ARHGAP6: variants seen among roughly 807,000 people sequenced by gnomAD.
ARHGAP6 encodes rho GTPase-activating protein 6.
In ARHGAP6, 16 loss-of-function variants were observed where a neutral mutation model predicts 55.7. The ratio of observed to expected loss-of-function variants is 0.29; its 90% confidence interval spans 0.19 to 0.44. The LOEUF is 0.44. ARHGAP6 is among the 20% of genes least tolerant of loss of function. The probability of loss-of-function intolerance (pLI) is 1.00; values close to 1 mark genes in which losing one functional copy is unlikely to be tolerated. For synonymous variants in ARHGAP6, 382 were observed against 360.9 expected, an observed-to-expected ratio of 1.06 and a Z score of -0.66; for missense variants, 698 against 808.9, an observed-to-expected ratio of 0.86 and a Z score of 1.66.
At chrX:11,362,550 A>C (rs1488450674) in intron 1 of ARHGAP6, among the ~76,000 whole-genome samples, 1 of 109,676 alleles carries the variant, frequency 9.1e-6, no homozygotes, top group Non-Finnish European at 1.9e-5. Context: ...GATATACCTA[A>C]TGCTAAATGA....
chrX:11,271,785 C>T (rs944471759), intron 1 of ARHGAP6, among the ~76,000 whole-genome samples: 35 of 111,739 alleles, frequency 3.1e-4, no homozygotes, highest in Admixed American at 1.9e-4. Flanking sequence ...GTTAACTCAT[C>T]TAAATCTTGT....
chrX:11,252,857 G>A (rs1445715661), intron 2 of ARHGAP6, among the ~76,000 whole-genome samples: 1 of 112,049 alleles, frequency 8.9e-6, no homozygotes, highest in South Asian at 3.8e-4. Flanking sequence ...ACTCTGGTCA[G>A]TGTTTTTGTG....
At chrX:11,499,037 C>G (rs1183704181) in intron 1 of ARHGAP6, among the ~76,000 whole-genome samples, 4 of 112,313 alleles carry the variant, frequency 3.6e-5, no homozygotes, top group Middle Eastern at 4.6e-3. Flanking sequence ...TACCTATCAA[C>G]TAAGTTATAT....
chrX:11,338,220 T>C (rs1185758067), intron 1 of ARHGAP6, among the ~76,000 whole-genome samples: 2 of 111,860 alleles, frequency 1.8e-5, no homozygotes, highest in East Asian at 5.6e-4. Context: ...ACAGAAAATA[T>C]GGATTCAAAT....
At chrX:11,514,403 T>A (rs1464541735) in intron 1 of ARHGAP6, among the ~76,000 whole-genome samples, 3 of 110,230 alleles carry the variant, frequency 2.7e-5, no homozygotes. Flanking sequence ...TTGGCCTGGA[T>A]AATTCATTGT....
chrX:11,168,054 T>TTAAG (rs1232109276), intron 9 of ARHGAP6, among the ~76,000 whole-genome samples: 2 of 111,837 alleles, frequency 1.8e-5, no homozygotes, highest in Non-Finnish European at 3.8e-5. Flanking sequence ...TCGCTTGAAG[T>TTAAG]TAAGTGTGGC....
intron 1 of ARHGAP6, among the ~76,000 whole-genome samples, chrX:11,436,764 G>A (rs1450395371): frequency 1.8e-5 from 2 of 110,576 alleles, no homozygotes; most frequent in African/African-American, 6.6e-5. Flanking sequence ...TAAGCTAATT[G>A]AAAGAAGTCA....
rs1290044387 is a variant in ARHGAP6 at position 11,169,703 on chromosome X, C to A, written c.1630-19G>T. The A allele has an allele frequency of 5.4e-6, 6 of 1,120,390 alleles. No homozygotes were observed. Among genetic ancestry groups the A allele is most frequent in the Non-Finnish European group, 7.1e-6 (6 of 840,009 alleles). 92.3% of individuals were successfully genotyped at this position (1,120,390 alleles called of 1,213,427 possible). ...CAGTGACCTATAAGAGAACAGAACA[C>A]AAGGACTGTTGTTATGTTTGCCTTT... On this transcript the variant is annotated intron_variant, in intron 8 of 12. Transcript: ENST00000337414.
At chrX:11,641,353 C>CA (rs1418282515) in intron 1 of ARHGAP6, among the ~76,000 whole-genome samples, 1 of 111,430 alleles carries the variant, frequency 9.0e-6, no homozygotes, top group Non-Finnish European at 1.9e-5. Flanking sequence ...AAAGATGGCC[C>CA]AAATGGGAGA....
intron 1 of ARHGAP6, among the ~76,000 whole-genome samples, chrX:11,581,609 T>C (rs1202754942): frequency 8.9e-6 from 1 of 111,742 alleles, no homozygotes; most frequent in Non-Finnish European, 1.9e-5. Flanking sequence ...GTACCGGTAC[T>C]TGTTACAACA....
intron 1 of ARHGAP6, among the ~76,000 whole-genome samples, chrX:11,380,853 A>C (rs780201551): frequency 8.9e-6 from 1 of 112,310 alleles, no homozygotes; most frequent in African/African-American, 3.2e-5. Context: ...ATGACAACCA[A>C]AAATGTTTCC....
intron 1 of ARHGAP6, among the ~76,000 whole-genome samples, chrX:11,567,031 G>A (rs1013395168): frequency 1.8e-5 from 2 of 112,031 alleles, no homozygotes; most frequent in African/African-American, 6.5e-5. Flanking sequence ...AAACACATCA[G>A]TGCACAGCAG....
chrX:11,656,343 T>C (rs2052637169), intron 1 of ARHGAP6, among the ~76,000 whole-genome samples: 1 of 112,293 alleles, frequency 8.9e-6, no homozygotes, highest in Admixed American at 9.4e-5. Flanking sequence ...AGCTGAGACA[T>C]CCCAGACCTG....
chrX:11,663,157 G>A (rs1360243533), intron 1 of ARHGAP6, among the ~76,000 whole-genome samples: 3 of 112,143 alleles, frequency 2.7e-5, no homozygotes, highest in South Asian at 3.7e-4. Flanking sequence ...TTTCTAAGGC[G>A]GTTTACTAAA....
chrX:11,460,373 G>A (rs1397621715), intron 1 of ARHGAP6, among the ~76,000 whole-genome samples: 1 of 111,428 alleles, frequency 9.0e-6, no homozygotes, highest in African/African-American at 3.3e-5. Flanking sequence ...AGAGGATCCT[G>A]AGCTGAAGAT....
At chrX:11,318,090 G>A (rs2048381564) in intron 1 of ARHGAP6, among the ~76,000 whole-genome samples, 1 of 112,014 alleles carries the variant, frequency 8.9e-6, no homozygotes, top group African/African-American at 3.2e-5. Flanking sequence ...ATTCTATTTG[G>A]CTTTAACGTC....
intron 1 of ARHGAP6, among the ~76,000 whole-genome samples, chrX:11,660,528 CTCAAAAAAAAAA>C (rs2052686314): frequency 2.9e-5 from 1 of 35,047 alleles, no homozygotes; most frequent in African/African-American, 9.3e-5. Context: ...CTCTCTCTCT[CTCAAAAAAAAAA>C]AAAAAAAAAA....
At chrX:11,520,162 T>C (rs1251709103) in intron 1 of ARHGAP6, among the ~76,000 whole-genome samples, 5 of 77,412 alleles carry the variant, frequency 6.5e-5, no homozygotes, top group Non-Finnish European at 1.3e-4. Context: ...TATATATATA[T>C]ATATATATAT....
At chrX:11,220,951 A>T (rs2046960958) in intron 2 of ARHGAP6, among the ~76,000 whole-genome samples, 2 of 110,567 alleles carry the variant, frequency 1.8e-5, no homozygotes, top group South Asian at 8.0e-4. Flanking sequence ...TACCAAGCCA[A>T]TGGAAAACAA....
Sources: allele counts gnomAD v4.1 joint callset (sites outside exome capture counted in the v4.1 genomes callset), GRCh38; gene constraint gnomAD v4.1.1; transcripts MANE v1.5; gene names NCBI Gene and HGNC (gene_info 2026-07-23, HGNC 2026-07-21).